TAF15: variants seen among roughly 807,000 people sequenced by gnomAD.
The protein encoded by TAF15 is TATA-box binding protein associated factor 15, also known as TATA-binding protein-associated factor 2N.
Under a neutral mutation model 102.5 loss-of-function variants are expected in TAF15, and 37 were observed. That is an observed-to-expected ratio of 0.36 (90% CI 0.28 to 0.47). The LOEUF (loss-of-function observed/expected upper bound fraction) is 0.47. Ranked by LOEUF, TAF15 falls within the 20% of genes least tolerant of loss-of-function variation. The pLI, the probability that TAF15 is intolerant of heterozygous loss-of-function variation, is 0.99. For synonymous variants in TAF15, 273 were observed against 259.2 expected (o/e 1.05, Z -0.51); for missense variants, 652 against 760.7 (o/e 0.86, Z 1.68).
intron 7 of TAF15, chr17:35,830,031 T>G (rs1459047395): frequency 6.6e-6 from 1 of 152,030 alleles, no homozygotes; most frequent in African/African-American, 2.4e-5. Flanking sequence ...TCCCAGCTAC[T>G]CGGGAGGCTG....
intron 1 of TAF15, among the ~76,000 whole-genome samples, chr17:35,815,730 C>G (rs1333330431): frequency 2.6e-5 from 4 of 152,144 alleles, no homozygotes; most frequent in Non-Finnish European, 5.9e-5. Context: ...CCCTTTTCAT[C>G]CTTTGATTTG....
intron 7 of TAF15, chr17:35,824,433 A>G (rs988016768): frequency 1.3e-4 from 70 of 532,278 alleles, no homozygotes; most frequent in African/African-American, 1.1e-3. Flanking sequence ...CATGTTAAAC[A>G]CCAGTAGAGA....
At chr17:35,810,126 A>G (rs1292209881) in intron 1 of TAF15, 1 of 190,486 alleles carries the variant, frequency 5.2e-6, no homozygotes, top group Non-Finnish European at 1.1e-5. Context: ...AATCGTACTT[A>G]TCGTTATTCA....
At chr17:35,813,146 G>A (rs968310929) in intron 1 of TAF15, among the ~76,000 whole-genome samples, 14 of 148,634 alleles carry the variant, frequency 9.4e-5, no homozygotes, top group Non-Finnish European at 1.5e-4. Flanking sequence ...AAAAGATCAA[G>A]GTGTTAATAA....
At chr17:35,835,761 A>G (rs1398415703) in intron 9 of TAF15, among the ~76,000 whole-genome samples, 1 of 152,266 alleles carries the variant, frequency 6.6e-6, no homozygotes, top group Non-Finnish European at 1.5e-5. Context: ...GAATCTTAAA[A>G]ATGTTTAACC....
rs774683396 is a variant in TAF15 at position 35,809,533 on chromosome 17, G to C, written c.-37G>C. 3 of 1,612,818 alleles carry C rather than the reference G, an allele frequency of 1.9e-6. No individual in the cohort carries two copies. Among genetic ancestry groups the C allele is most frequent in the Non-Finnish European group, 2.5e-6 (3 of 1,179,760 alleles). Reference sequence around the variant, plus strand: ...CCTGGCTTTCGTATTCGTTGTTCTCGGCGGGCTGTGGGGCCTCCGCGCCGC... The same window carrying C: ...CCTGGCTTTCGTATTCGTTGTTCTCCGCGGGCTGTGGGGCCTCCGCGCCGC... On this transcript the variant is annotated 5_prime_UTR_variant, in exon 1 of 16. Transcript: ENST00000605844.
At chr17:35,839,668 C>T (rs2087520142) in intron 11 of TAF15, among the ~76,000 whole-genome samples, 1 of 152,062 alleles carries the variant, frequency 6.6e-6, no homozygotes, top group South Asian at 2.1e-4. Flanking sequence ...AGGCGTGAGC[C>T]ACCGCACCCG....
intron 7 of TAF15, among the ~76,000 whole-genome samples, chr17:35,828,157 ATCT>A (rs1294574484): frequency 6.6e-6 from 1 of 152,242 alleles, no homozygotes; most frequent in African/African-American, 2.4e-5. Flanking sequence ...ATTTTTGAGG[ATCT>A]TCTCCCTCTT....
Position 35,824,151 on chromosome 17 carries a change from G to A in TAF15, c.558G>A (p.Gly186=). The part of the protein sequence containing the change: ...GYGGSQGGGR[G]RGGYDKDGRG... ...GCGGGTCACAGGGAGGAGGTAGAGGGCGTGGGGGATATGACAAGGATGGAA... is the reference window on the plus strand; with the variant it reads ...GCGGGTCACAGGGAGGAGGTAGAGGACGTGGGGGATATGACAAGGATGGAA... The change falls in exon 7 of 16, where the codon GGG becomes GGA. Residue 186 remains glycine (G), a synonymous_variant. Coordinates refer to ENST00000605844, the MANE Select transcript of TAF15 (RefSeq NM_139215.3). 6.2e-7 allele frequency: 1 copy of A among 1,614,056 alleles called. No individual in the cohort carries two copies. The highest frequency in any genetic ancestry group is 8.5e-7 in the Non-Finnish European group (1 of 1,180,030).
chr17:35,838,267 T>G (rs558342995), intron 10 of TAF15, among the ~76,000 whole-genome samples, 157 bp from the exon 11 acceptor site: 5 of 152,380 alleles, frequency 3.3e-5, no homozygotes, highest in African/African-American at 9.6e-5. Flanking sequence ...TAGAGAGTTA[T>G]GCTTGTCTAA....
intron 8 of TAF15, chr17:35,834,211 C>T (rs1004395036): frequency 1.3e-5 from 5 of 378,116 alleles, no homozygotes; most frequent in East Asian, 9.5e-5. Flanking sequence ...ATGAATGACA[C>T]CTTCACTGGA....
intron 15 of TAF15, among the ~76,000 whole-genome samples, chr17:35,846,451 C>A (rs923106576): frequency 6.6e-6 from 1 of 152,176 alleles, no homozygotes; most frequent in African/African-American, 2.4e-5. Context: ...TTCTTATATT[C>A]TTTAGTTCTA....
intron 2 of TAF15, 23 bp downstream of exon 2, chr17:35,817,778 TA>T (rs2143751367): frequency 6.2e-7 from 1 of 1,609,440 alleles, no homozygotes; most frequent in Non-Finnish European, 8.5e-7. Flanking sequence ...TACATTTTAA[TA>T]ATATGAAAGG....
intron 6 of TAF15, 110 bp from the exon 7 acceptor site, chr17:35,823,966 CAT>C: frequency 2.3e-6 from 3 of 1,327,268 alleles, no homozygotes; most frequent in African/African-American, 1.4e-5. Context: ...GTTGTGTGCA[CAT>C]GTGCCATTTT....
intron 15 of TAF15, among the ~76,000 whole-genome samples, chr17:35,845,671 G>A (rs1036785907): frequency 6.6e-5 from 10 of 152,218 alleles, no homozygotes; most frequent in East Asian, 3.9e-4. Flanking sequence ...CACCACGCCC[G>A]GCTAATTTTT....
intron 15 of TAF15, among the ~76,000 whole-genome samples, chr17:35,846,059 G>A (rs374750428): frequency 1.3e-5 from 2 of 152,248 alleles, no homozygotes; most frequent in African/African-American, 4.8e-5. Flanking sequence ...TGGTGTAGAG[G>A]CAGAAGAAGA....
chr17:35,836,072 C>G, intron 9 of TAF15, 60 bp from the exon 10 acceptor site: 1 of 1,168,764 alleles, frequency 8.6e-7, no homozygotes, highest in Non-Finnish European at 1.3e-6. Context: ...TCTTTGATTA[C>G]TGAACAGAAT....
rs2087634382 is a variant in TAF15, at chr17:35,847,207, T to C, written c.*262T>C. ...CAAAATGAAAAGTGTTTTGTAATAC[T>C]GCAATAAAGGCTGCTTGTTTTTGTG... On this transcript the variant is annotated 3_prime_UTR_variant, in exon 16 of 16. Coordinates refer to ENST00000605844, the MANE Select transcript of TAF15 (RefSeq NM_139215.3). 1 of 603,826 alleles carries C rather than the reference T, an allele frequency of 1.7e-6. No homozygotes were observed. The highest frequency in any genetic ancestry group is 2.9e-6 in the Non-Finnish European group (1 of 340,562). 37.4% of individuals were successfully genotyped at this position (603,826 alleles called of 1,614,324 possible).
At chr17:35,845,166 T>A (rs2087609337) in intron 15 of TAF15, 128 bp downstream of exon 15, 1 of 1,195,424 alleles carries the variant, frequency 8.4e-7, no homozygotes, top group Non-Finnish European at 1.2e-6. Context: ...ATGGAGAAGA[T>A]GATTTAGTTT....
Sources: allele counts gnomAD v4.1 joint callset (sites outside exome capture counted in the v4.1 genomes callset), GRCh38; gene constraint gnomAD v4.1.1; transcripts MANE v1.5; gene names NCBI Gene and HGNC (gene_info 2026-07-23, HGNC 2026-07-21).